LRMDA: variants seen among roughly 807,000 people sequenced by gnomAD.
The protein encoded by LRMDA is leucine-rich melanocyte differentiation-associated protein.
In LRMDA, 18 loss-of-function variants were observed where a neutral mutation model predicts 29.8. The observed-to-expected ratio is 0.60, with a 90% CI of 0.42 to 0.90. LRMDA has a LOEUF of 0.90. LRMDA is among the 40% of genes least tolerant of loss of function. The probability of loss-of-function intolerance (pLI) is 0.00; values close to 1 mark genes in which losing one functional copy is unlikely to be tolerated. For synonymous variants in LRMDA, 125 were observed against 109.4 expected (o/e 1.14, Z -0.89); for missense variants, 273 against 273.9 (o/e 1.00, Z 0.02).
At chr10:75,879,861 T>C (rs891063744) in intron 2 of LRMDA, among the ~76,000 whole-genome samples, 2 of 152,180 alleles carry the variant, frequency 1.3e-5, no homozygotes, top group Non-Finnish European at 2.9e-5. Context: ...TGGGACTGTA[T>C]TTTCTATATT....
chr10:75,947,100 A>G (rs1018857385), intron 2 of LRMDA, among the ~76,000 whole-genome samples: 9 of 152,146 alleles, frequency 5.9e-5, no homozygotes, highest in African/African-American at 1.9e-4. Flanking sequence ...TGTCTAAACC[A>G]TTTTATCTGG....
intron 2 of LRMDA, among the ~76,000 whole-genome samples, chr10:75,870,381 C>CGT (rs1554830909): frequency 6.6e-6 from 1 of 151,944 alleles, no homozygotes; most frequent in Admixed American, 6.6e-5. Context: ...CATTTAGAAA[C>CGT]ATGTGTTATG....
At chr10:75,956,529 C>T (rs1846666195) in intron 2 of LRMDA, among the ~76,000 whole-genome samples, 2 of 152,262 alleles carry the variant, frequency 1.3e-5, no homozygotes, top group Middle Eastern at 3.4e-3. Context: ...GATGTCTGAG[C>T]CCCCTTTATT....
Position 75,636,894 on chromosome 10 carries a change from A to G in LRMDA, c.131+198400A>G, listed in dbSNP as rs376330698. ...TGGGTATCCATCACACATCTAGGCA[A>G]TCTGAAAGAAACAAAAACAGAAAAC... On this transcript the variant is annotated intron_variant, in intron 2 of 6. Transcript: ENST00000611255. Among the ~76,000 whole-genome samples the G allele has an allele frequency of 8.5e-4, 129 of 152,288 alleles. 3 individuals are homozygous for G. The South Asian group carries it at 0.026, about 31-fold the overall frequency.
Position 76,367,183 on chromosome 10 carries a change from A to G in LRMDA, c.601+42698A>G, listed in dbSNP as rs192025897. On this transcript the variant is annotated intron_variant, in intron 6 of 6. Transcript: ENST00000611255. The stretch of plus-strand genomic sequence containing the variant: ...TATTTTGTTAACTATTTTAGCATCT[A>G]TGTTCATCAAGGATATCAATCTGTA... Among the ~76,000 whole-genome samples, 31 of 152,186 alleles carry G rather than the reference A, an allele frequency of 2.0e-4. No individual in the cohort carries two copies. In the East Asian group the frequency reaches 3.5e-3, roughly 17 times the overall value.
At chr10:76,024,070 G>A (rs1443212559) in intron 2 of LRMDA, among the ~76,000 whole-genome samples, 1 of 152,156 alleles carries the variant, frequency 6.6e-6, no homozygotes, top group African/African-American at 2.4e-5. Context: ...CTTGAAAACA[G>A]AGCTCATGAC....
chr10:76,533,370 G>A (rs191110823), intron 6 of LRMDA, among the ~76,000 whole-genome samples: 290 of 152,262 alleles, frequency 1.9e-3, no homozygotes, highest in Non-Finnish European at 2.5e-3. Flanking sequence ...CAATGCCTTT[G>A]TGTAAAGTCA....
chr10:75,645,859 C>T (rs1463409390), intron 2 of LRMDA, among the ~76,000 whole-genome samples: 1 of 152,030 alleles, frequency 6.6e-6, no homozygotes, highest in Admixed American at 6.5e-5. Context: ...TTATTCTTTC[C>T]CTTCTTCTCA....
At chr10:75,845,294 G>C (rs970484574) in intron 2 of LRMDA, among the ~76,000 whole-genome samples, 3 of 151,856 alleles carry the variant, frequency 2.0e-5, no homozygotes, top group Non-Finnish European at 4.4e-5. Context: ...CAGCAACAAT[G>C]GTTTTCACAT....
At chr10:75,672,247 G>A (rs918005533) in intron 2 of LRMDA, among the ~76,000 whole-genome samples, 5 of 152,048 alleles carry the variant, frequency 3.3e-5, no homozygotes, top group African/African-American at 9.7e-5. Context: ...TGAGATGAGT[G>A]GCCTTGTGAG....
At chr10:76,555,733 T>C (rs1457590796) in intron 6 of LRMDA, among the ~76,000 whole-genome samples, 1 of 148,648 alleles carries the variant, frequency 6.7e-6, no homozygotes, top group Non-Finnish European at 1.5e-5. Context: ...AAGAACCTGG[T>C]TAATTTCAAG....
intron 2 of LRMDA, among the ~76,000 whole-genome samples, chr10:75,900,988 T>A (rs1158734574): frequency 1.3e-5 from 2 of 151,956 alleles, no homozygotes; most frequent in African/African-American, 4.8e-5. Context: ...TGGCTGGGAG[T>A]ATTTATTTGA....
intron 2 of LRMDA, among the ~76,000 whole-genome samples, chr10:75,809,814 G>A (rs1843925379): frequency 6.6e-6 from 1 of 152,176 alleles, no homozygotes; most frequent in African/African-American, 2.4e-5. Context: ...CCATTCAGGA[G>A]GTCAGCGAAG....
intron 3 of LRMDA, among the ~76,000 whole-genome samples, chr10:76,046,048 A>G (rs950331995): frequency 1.3e-5 from 2 of 152,134 alleles, no homozygotes; most frequent in South Asian, 4.1e-4. Flanking sequence ...ACGCTTGCAT[A>G]TGGCATTTCT....
At chr10:75,452,255 C>T (rs1397548043) in intron 2 of LRMDA, among the ~76,000 whole-genome samples, 1 of 152,056 alleles carries the variant, frequency 6.6e-6, no homozygotes. Context: ...GTTGGCGTCT[C>T]GATGCCCATT....
chr10:75,858,186 G>T (rs1049830706), intron 2 of LRMDA, among the ~76,000 whole-genome samples: 22 of 152,144 alleles, frequency 1.4e-4, no homozygotes, highest in African/African-American at 4.6e-4. Flanking sequence ...TGGCCCCTCT[G>T]TCTACTCAGT....
At chr10:76,232,189 A>G (rs1852070897) in intron 5 of LRMDA, among the ~76,000 whole-genome samples, 1 of 152,226 alleles carries the variant, frequency 6.6e-6, no homozygotes, top group Admixed American at 6.5e-5. Context: ...TAAAATAACC[A>G]GACACCAAGA....
At chr10:75,690,109 A>C (rs1177227835) in intron 2 of LRMDA, among the ~76,000 whole-genome samples, 1 of 152,218 alleles carries the variant, frequency 6.6e-6, no homozygotes, top group East Asian at 1.9e-4. Context: ...TATTCTATTA[A>C]AAAGTTGAGA....
intron 6 of LRMDA, among the ~76,000 whole-genome samples, chr10:76,463,604 A>G (rs76963409): frequency 0.017 from 2,576 of 152,260 alleles, 68 homozygotes; most frequent in African/African-American, 0.059. Flanking sequence ...GAATGTGCCT[A>G]AGAGACCCAG....
Sources: gnomAD v4.1 joint callset for allele counts (sites outside exome capture counted in the v4.1 genomes callset) on GRCh38, gnomAD v4.1.1 for gene constraint, MANE v1.5 for transcripts, NCBI Gene and HGNC (gene_info 2026-07-23, HGNC 2026-07-21) for gene names.